ZFAND6: variants seen among roughly 807,000 people sequenced by gnomAD.
The protein encoded by ZFAND6 is AN1-type zinc finger protein 6.
ZFAND6 carries 12 observed loss-of-function variants against 24.5 expected under a neutral mutation model. That is an observed-to-expected ratio of 0.49 (90% CI 0.31 to 0.79). The LOEUF (loss-of-function observed/expected upper bound fraction) is 0.79. ZFAND6 is among the 30% of genes least tolerant of loss of function. The pLI is 0.04. For missense variants in ZFAND6, 207 were observed against 245.9 expected (o/e 0.84, Z 1.06); for synonymous variants, 92 against 81.5 (o/e 1.13, Z -0.69).
At chr15:80,088,302 T>G (rs555520078) in intron 1 of ZFAND6, among the ~76,000 whole-genome samples, 1 of 152,226 alleles carries the variant, frequency 6.6e-6, no homozygotes, top group East Asian at 1.9e-4. Flanking sequence ...CACAGTGTGG[T>G]TCATGCCTGT....
At chr15:80,116,111 T>C (rs903057585) in intron 2 of ZFAND6, among the ~76,000 whole-genome samples, 4 of 151,764 alleles carry the variant, frequency 2.6e-5, no homozygotes, top group African/African-American at 4.8e-5. Flanking sequence ...TTTTTTTTTT[T>C]CTTAAGTGGC....
chr15:80,084,618 A>G (rs2037882513), intron 1 of ZFAND6, among the ~76,000 whole-genome samples: 1 of 152,228 alleles, frequency 6.6e-6, no homozygotes, highest in African/African-American at 2.4e-5. Flanking sequence ...GGGTTGGCAG[A>G]GAGATGATAG....
chr15:80,087,223 G>A (rs1019504196), intron 1 of ZFAND6, among the ~76,000 whole-genome samples: 3 of 152,284 alleles, frequency 2.0e-5, no homozygotes, highest in Middle Eastern at 3.4e-3. Context: ...AACTTCATAC[G>A]AAATGGTCAA....
chr15:80,112,220 A>G (rs1007101372), intron 2 of ZFAND6, among the ~76,000 whole-genome samples: 1 of 152,020 alleles, frequency 6.6e-6, no homozygotes, highest in Non-Finnish European at 1.5e-5. Context: ...AGACTGCGCC[A>G]CTGCGCTCCA....
intron 1 of ZFAND6, among the ~76,000 whole-genome samples, chr15:80,069,839 C>T (rs1435339296): frequency 6.6e-6 from 1 of 152,052 alleles, no homozygotes; most frequent in African/African-American, 2.4e-5. Context: ...GAACTCCTGA[C>T]CTTGTGATCC....
chr15:80,080,486 CAAT>C (rs948158933), intron 1 of ZFAND6, among the ~76,000 whole-genome samples: 5 of 152,118 alleles, frequency 3.3e-5, no homozygotes, highest in Non-Finnish European at 4.4e-5. Flanking sequence ...AAGACATTAA[CAAT>C]AATAGAATAA....
chr15:80,075,560 G>C (rs926300839), intron 1 of ZFAND6, among the ~76,000 whole-genome samples: 3 of 151,994 alleles, frequency 2.0e-5, no homozygotes, highest in African/African-American at 7.2e-5. Context: ...AAAAGTGATG[G>C]TTGCGTTTTA....
At position 80,131,287 on chromosome 15, in the gene ZFAND6, C is replaced by A. The variant is rs1395145486; in HGVS notation, c.472C>A (p.Leu158Ile). Residue 158 changes from leucine (L) to isoleucine (I), a missense_variant, in exon 6 of 7, where the codon CTT (leucine) becomes ATT (isoleucine). By Grantham distance (5) the Leu-to-Ile change is conservative. Coordinates refer to ENST00000261749, the MANE Select transcript of ZFAND6 (RefSeq NM_019006.4). Reference protein sequence around the residue: ...RCFMCRKKVGLTGFECRCGNV... With the variant: ...RCFMCRKKVGITGFECRCGNV... ...TTTCATGTGCAGGAAGAAAGTGGGA[C>A]TTACTGGTAAGGACCTAAATCAAAT... is the stretch of plus-strand genomic sequence containing the variant. The A allele has an allele frequency of 3.1e-6, 5 of 1,612,622 alleles. No homozygotes were observed. The South Asian group carries it at 5.5e-5, about 18-fold the overall frequency.
intron 2 of ZFAND6, among the ~76,000 whole-genome samples, chr15:80,100,893 A>G (rs1472666191): frequency 6.6e-6 from 1 of 152,074 alleles, no homozygotes; most frequent in Non-Finnish European, 1.5e-5. Flanking sequence ...AATTTCTTAA[A>G]CCTTCCTGGG....
intron 2 of ZFAND6, among the ~76,000 whole-genome samples, chr15:80,107,937 G>A (rs149589492): frequency 7.9e-5 from 12 of 152,254 alleles, no homozygotes; most frequent in African/African-American, 2.9e-4. Context: ...CCACAGATAC[G>A]CTTTGGGAAC....
intron 2 of ZFAND6, among the ~76,000 whole-genome samples, chr15:80,115,766 C>T (rs746385914): frequency 1.3e-4 from 19 of 151,700 alleles, no homozygotes; most frequent in Non-Finnish European, 2.5e-4. Flanking sequence ...AATTTGATGC[C>T]GTGCAGGCAG....
intron 6 of ZFAND6, among the ~76,000 whole-genome samples, chr15:80,135,059 C>G (rs950376458): frequency 6.6e-6 from 1 of 152,124 alleles, no homozygotes; most frequent in African/African-American, 2.4e-5. Context: ...CCCCTTTTAC[C>G]TTCTCCACCT....
intron 2 of ZFAND6, among the ~76,000 whole-genome samples, chr15:80,103,682 T>A (rs1303439488): frequency 6.6e-6 from 1 of 152,222 alleles, no homozygotes; most frequent in Admixed American, 6.5e-5. Context: ...AATGAACTAT[T>A]CTATTTGAAG....
Position 80,111,489 on chromosome 15 carries a change from C to T in ZFAND6, c.-17-8839C>T, listed in dbSNP as rs1032879617. 6 of 455,618 alleles carry T rather than the reference C, an allele frequency of 1.3e-5. No homozygotes were observed. The East Asian group carries it at 2.1e-4, about 16-fold the overall frequency. The allele number at this position is 455,618 out of a possible 1,614,324, so 28.2% of individuals were successfully genotyped here. On this transcript the variant is annotated intron_variant, in intron 2 of 6. Coordinates refer to ENST00000261749, the MANE Select transcript of ZFAND6 (RefSeq NM_019006.4). The stretch of plus-strand genomic sequence containing the variant: ...GGTTGGTGGAGTCGCCGGTAGCCAC[C>T]TAAGATAGGAATGTCAATCAGAAGT...
chr15:80,125,648 TAA>T (rs975257183), intron 5 of ZFAND6, among the ~76,000 whole-genome samples: 2 of 152,218 alleles, frequency 1.3e-5, no homozygotes, highest in African/African-American at 4.8e-5. Context: ...CTCAGGAGTA[TAA>T]GTCAAATTTC....
intron 5 of ZFAND6, among the ~76,000 whole-genome samples, chr15:80,126,574 C>A (rs551791180): frequency 1.3e-5 from 2 of 152,250 alleles, no homozygotes; most frequent in African/African-American, 4.8e-5. Flanking sequence ...GATGCAGGAA[C>A]AACTTCATAT....
At chr15:80,073,640 A>C (rs1425617085) in intron 1 of ZFAND6, among the ~76,000 whole-genome samples, 2 of 151,926 alleles carry the variant, frequency 1.3e-5, no homozygotes, top group African/African-American at 4.8e-5. Context: ...TAATGAAATC[A>C]AGAAAAGTTA....
chr15:80,113,170 A>T (rs2039696412), intron 2 of ZFAND6, among the ~76,000 whole-genome samples: 1 of 152,244 alleles, frequency 6.6e-6, no homozygotes, highest in Admixed American at 6.5e-5. Context: ...AAGATAACTT[A>T]TAAGATCAGT....
chr15:80,070,853 C>T (rs893501099), intron 1 of ZFAND6, among the ~76,000 whole-genome samples: 2 of 151,934 alleles, frequency 1.3e-5, no homozygotes, highest in Non-Finnish European at 2.9e-5. Context: ...CACTTTTCCT[C>T]AAATCTTATG....
Sources: allele counts gnomAD v4.1 joint callset (sites outside exome capture counted in the v4.1 genomes callset), GRCh38; gene constraint gnomAD v4.1.1; transcripts MANE v1.5; gene names NCBI Gene and HGNC (gene_info 2026-07-23, HGNC 2026-07-21).